Variants in NELL1 observed in about 807,000 individuals in gnomAD.
NELL1 encodes protein kinase C-binding protein NELL1.
Under a neutral mutation model 107.4 loss-of-function variants are expected in NELL1, and 76 were observed. That is an observed-to-expected ratio of 0.71 (90% CI 0.59 to 0.86). The LOEUF is 0.86. Among genes scored for constraint, NELL1 ranks in the 40% least tolerant of loss-of-function variants. The pLI, the probability that NELL1 is intolerant of heterozygous loss-of-function variation, is 0.00. For synonymous variants in NELL1, 353 were observed against 341.2 expected (o/e 1.03, Z -0.38); for missense variants, 1,024 against 1,005.5 (o/e 1.02, Z -0.25).
intron 4 of NELL1, among the ~76,000 whole-genome samples, chr11:20,859,202 G>A (rs374007725): frequency 5.3e-5 from 8 of 152,188 alleles, no homozygotes; most frequent in African/African-American, 1.4e-4. Context: ...TCCAGCTTCC[G>A]TGAAGAACTG....
intron 15 of NELL1, among the ~76,000 whole-genome samples, chr11:21,424,731 A>G (rs1425103763): frequency 6.6e-6 from 1 of 152,228 alleles, no homozygotes; most frequent in Non-Finnish European, 1.5e-5. Context: ...CAAAACTTGC[A>G]AAGACTAAAT....
In NELL1 at chr11:21,166,103, G is replaced by A. The variant is rs535673578; in HGVS notation, c.1426+52389G>A. 1.1e-4 allele frequency among the ~76,000 whole-genome samples: 17 copies of A among 151,758 alleles called. 1 individual carries two copies. The highest frequency in any genetic ancestry group is 5.9e-4 in the Admixed American group (9 of 15,248). On this transcript the variant is annotated intron_variant, in intron 13 of 19. Coordinates refer to ENST00000357134, the MANE Select transcript of NELL1 (RefSeq NM_006157.5). The stretch of plus-strand genomic sequence containing the variant: ...CATGGATGGAGCTGGAGGTCATTAT[G>A]TTAAGTGAAATAAGTCAGGCACAGA...
intron 12 of NELL1, among the ~76,000 whole-genome samples, chr11:21,009,541 A>C (rs554705920): frequency 3.9e-5 from 6 of 152,030 alleles, no homozygotes; most frequent in African/African-American, 1.4e-4. Context: ...CCCAGAGCTC[A>C]CATGCAACGT....
chr11:20,678,584 G>A (rs1046750653), intron 2 of NELL1, among the ~76,000 whole-genome samples: 11 of 152,100 alleles, frequency 7.2e-5, no homozygotes, highest in Non-Finnish European at 1.3e-4. Context: ...TTAGAAGCAT[G>A]GTGTTTCTCA....
chr11:20,915,027 T>C (rs1290763026), intron 5 of NELL1, among the ~76,000 whole-genome samples: 1 of 152,064 alleles, frequency 6.6e-6, no homozygotes, highest in Non-Finnish European at 1.5e-5. Flanking sequence ...TAGTTTTCAA[T>C]AATTTGATGC....
At chr11:20,881,427 T>C (rs1279868133) in intron 4 of NELL1, among the ~76,000 whole-genome samples, 1 of 152,176 alleles carries the variant, frequency 6.6e-6, no homozygotes, top group East Asian at 1.9e-4. Context: ...GTACAGACTA[T>C]AGGATCTGAT....
At chr11:21,070,698 G>A (rs1853990891) in intron 12 of NELL1, among the ~76,000 whole-genome samples, 1 of 152,074 alleles carries the variant, frequency 6.6e-6, no homozygotes, top group Admixed American at 6.6e-5. Context: ...ATTCAGCACA[G>A]TATTATTTGA....
chr11:21,384,637 C>T (rs1433987973), intron 15 of NELL1, among the ~76,000 whole-genome samples: 4 of 151,890 alleles, frequency 2.6e-5, no homozygotes, highest in Admixed American at 2.6e-4. Flanking sequence ...TGATGTTCCC[C>T]TTCCTGTGTC....
intron 3 of NELL1, among the ~76,000 whole-genome samples, chr11:20,843,275 G>C (rs937004487): frequency 6.6e-6 from 1 of 152,050 alleles, no homozygotes; most frequent in Non-Finnish European, 1.5e-5. Context: ...AGGAAGCAAT[G>C]GTTTGTTCAG....
chr11:20,827,630 C>G (rs1446578966), intron 3 of NELL1, among the ~76,000 whole-genome samples: 1 of 151,060 alleles, frequency 6.6e-6, no homozygotes, highest in Non-Finnish European at 1.5e-5. Context: ...TTAGGGTCAG[C>G]CTTGGAAGCA....
chr11:21,249,503 A>T (rs951536980), intron 14 of NELL1, among the ~76,000 whole-genome samples: 4 of 151,998 alleles, frequency 2.6e-5, no homozygotes, highest in Admixed American at 2.6e-4. Context: ...TTAGGAACAC[A>T]TTTAGATGCC....
At position 20,995,667 on chromosome 11, in the gene NELL1, T is replaced by C. The variant is rs141330666; in HGVS notation, c.1300+35107T>C. On this transcript the variant is annotated intron_variant, in intron 12 of 19. Coordinates refer to ENST00000357134, the MANE Select transcript of NELL1 (RefSeq NM_006157.5). ...AGTTCTCAACTCAGTTCTTCCCCTT[T>C]GTTATTTCCCTTCAACCAGCTTTCT... 2.6e-4 allele frequency among the ~76,000 whole-genome samples: 39 copies of C among 152,298 alleles called. No individual in the cohort carries two copies. In the East Asian group the frequency reaches 6.6e-3, roughly 26 times the overall value.
At position 20,959,473 on chromosome 11, in the gene NELL1, A is replaced by T. The variant is rs574262344; in HGVS notation, c.1172-959A>T. Among the ~76,000 whole-genome samples the T allele has an allele frequency of 6.6e-5, 10 of 152,332 alleles. No individual in the cohort carries two copies. In the East Asian group the frequency reaches 1.2e-3, roughly 18 times the overall value. ...AAAGAAACTGTGATATAGATGATGG[A>T]ATACTACTCAGCAATAAAAAGGAAT... On this transcript the variant is annotated intron_variant, in intron 11 of 19. Coordinates refer to ENST00000357134, the MANE Select transcript of NELL1 (RefSeq NM_006157.5).
At chr11:21,148,299 A>G (rs1389205013) in intron 13 of NELL1, among the ~76,000 whole-genome samples, 1 of 152,230 alleles carries the variant, frequency 6.6e-6, no homozygotes, top group Non-Finnish European at 1.5e-5. Flanking sequence ...AAGGCTTCTC[A>G]GAAATTGCAC....
At chr11:21,511,566 A>G (rs1855436408) in intron 15 of NELL1, among the ~76,000 whole-genome samples, 1 of 152,210 alleles carries the variant, frequency 6.6e-6, no homozygotes, top group South Asian at 2.1e-4. Flanking sequence ...GAAGAAAAGG[A>G]AGCAAGGTAA....
intron 13 of NELL1, among the ~76,000 whole-genome samples, chr11:21,136,809 A>G (rs1049253182): frequency 6.6e-6 from 1 of 152,168 alleles, no homozygotes; most frequent in Non-Finnish European, 1.5e-5. Context: ...AGACTATTGT[A>G]AAAAATGGTC....
intron 2 of NELL1, among the ~76,000 whole-genome samples, chr11:20,776,085 GGT>G (rs1178506430): frequency 1.3e-5 from 2 of 152,136 alleles, no homozygotes; most frequent in African/African-American, 2.4e-5. Context: ...CACTGTGCTT[GGT>G]GTAGTGTACA....
At position 21,469,511 on chromosome 11, in the gene NELL1, A is replaced by G. The variant is rs144886699; in HGVS notation, c.1646-64863A>G. 1.8e-4 allele frequency among the ~76,000 whole-genome samples: 28 copies of G among 152,222 alleles called. No individual in the cohort carries two copies. In the East Asian group the frequency reaches 4.6e-3, roughly 25 times the overall value. On this transcript the variant is annotated intron_variant, in intron 15 of 19. Transcript: ENST00000357134. ...TTTTACTAGCCCAGTTCTGCTCTCTATAATTGTCTTTGCCATAGCTCTTTG... is the reference window on the plus strand; with the variant it reads ...TTTTACTAGCCCAGTTCTGCTCTCTGTAATTGTCTTTGCCATAGCTCTTTG...
At chr11:21,240,790 T>C (rs1040643428) in intron 14 of NELL1, among the ~76,000 whole-genome samples, 4 of 150,680 alleles carry the variant, frequency 2.7e-5, no homozygotes, top group Admixed American at 2.0e-4. Flanking sequence ...GGGGAGTCTA[T>C]TGGATGCGCT....
Sources: allele counts gnomAD v4.1 joint callset (sites outside exome capture counted in the v4.1 genomes callset), GRCh38; gene constraint gnomAD v4.1.1; transcripts MANE v1.5; gene names NCBI Gene and HGNC (gene_info 2026-07-23, HGNC 2026-07-21).